The following DPH6 variants were observed in gnomAD, a reference collection of about 807,000 sequenced individuals.
The protein encoded by DPH6 is diphthamine biosynthesis 6.
Under a neutral mutation model 38.2 loss-of-function variants are expected in DPH6, and 33 were observed. The observed-to-expected ratio is 0.86, with a 90% CI of 0.65 to 1.15. The LOEUF is 1.15. Among genes scored for constraint, DPH6 ranks in the 50% most tolerant of loss-of-function variants. The pLI is 0.00. For synonymous variants in DPH6, 108 were observed against 103.0 expected, an observed-to-expected ratio of 1.05 and a Z score of -0.30; for missense variants, 325 against 320.0, an observed-to-expected ratio of 1.02 and a Z score of -0.12.
intron 3 of DPH6, among the ~76,000 whole-genome samples, chr15:35,473,285 T>C (rs1265821336): frequency 6.6e-6 from 1 of 152,166 alleles, no homozygotes; most frequent in African/African-American, 2.4e-5. Flanking sequence ...GTACCAGCTT[T>C]AAAGATGAAG....
the DPH6 span, among the ~76,000 whole-genome samples, chr15:35,161,155 CACAAA>C: frequency 2.4e-3 from 364 of 151,930 alleles, 2 homozygotes; most frequent in African/African-American, 7.9e-3. Context: ...ATAAAAAAAA[CACAAA>C]ACAAAACAAC....
intron 3 of DPH6, chr15:35,519,819 T>C (rs772427348): frequency 6.6e-6 from 1 of 152,260 alleles, no homozygotes; most frequent in South Asian, 2.1e-4. Flanking sequence ...GTCAAATGCA[T>C]GGAAATCTAC....
At chr15:35,147,773 A>C in the DPH6 span, among the ~76,000 whole-genome samples, 1 of 152,236 alleles carries the variant, frequency 6.6e-6, no homozygotes, top group Non-Finnish European at 1.5e-5. Context: ...GAGAATTACT[A>C]ATATAAAACA....
At chr15:35,301,462 C>A (rs1177659235) in intron 3 of DPH6, among the ~76,000 whole-genome samples, 1 of 152,144 alleles carries the variant, frequency 6.6e-6, no homozygotes, top group African/African-American at 2.4e-5. Context: ...GACTTTTCTC[C>A]TCTTTGTTTT....
At chr15:35,338,530 C>T (rs2052393614) in intron 3 of DPH6, among the ~76,000 whole-genome samples, 1 of 152,096 alleles carries the variant, frequency 6.6e-6, no homozygotes, top group African/African-American at 2.4e-5. Flanking sequence ...AGTCAGGAAA[C>T]AACAGGTGCT....
At chr15:35,334,378 C>T (rs2052350762) in intron 3 of DPH6, among the ~76,000 whole-genome samples, 1 of 151,912 alleles carries the variant, frequency 6.6e-6, no homozygotes, top group South Asian at 2.1e-4. Flanking sequence ...TTTTCAAAGT[C>T]ATTTCTTTTT....
intron 7 of DPH6, among the ~76,000 whole-genome samples, chr15:35,379,513 A>AT (rs1372152504): frequency 3.9e-5 from 6 of 152,240 alleles, no homozygotes; most frequent in Non-Finnish European, 8.8e-5. Flanking sequence ...CTCATCTTTT[A>AT]ATTGTATTAT....
the DPH6 span, among the ~76,000 whole-genome samples, chr15:35,193,090 A>G: frequency 6.6e-6 from 1 of 152,348 alleles, no homozygotes; most frequent in East Asian, 1.9e-4. Flanking sequence ...CTTATTTTCC[A>G]TCTCAAAATT....
intron 3 of DPH6, among the ~76,000 whole-genome samples, chr15:35,308,172 G>A: frequency 6.6e-6 from 1 of 152,082 alleles, no homozygotes; most frequent in South Asian, 2.1e-4. Flanking sequence ...AGGAAGGTGA[G>A]GTGGGAGAAT....
At chr15:35,226,716 G>A (rs1020808264) in intron 3 of DPH6, among the ~76,000 whole-genome samples, 10 of 152,288 alleles carry the variant, frequency 6.6e-5, no homozygotes, top group Non-Finnish European at 1.3e-4. Context: ...CCATGTTCAT[G>A]GATTGGAAGA....
intron 3 of DPH6, among the ~76,000 whole-genome samples, chr15:35,513,722 T>C (rs957271066): frequency 6.6e-6 from 1 of 151,936 alleles, no homozygotes; most frequent in African/African-American, 2.4e-5. Flanking sequence ...AACTTTGTTT[T>C]CTACAAAGTT....
chr15:35,165,455 T>C, the DPH6 span, among the ~76,000 whole-genome samples: 1 of 151,894 alleles, frequency 6.6e-6, no homozygotes, highest in South Asian at 2.1e-4. Flanking sequence ...TTCAAATATA[T>C]CAATAACAAT....
downstream of DPH6, among the ~76,000 whole-genome samples, chr15:35,366,461 A>G (rs2052661502): frequency 6.6e-6 from 1 of 151,988 alleles, no homozygotes; most frequent in African/African-American, 2.4e-5. Context: ...GAAACTCACT[A>G]TACTGCTCTC....
At chr15:35,506,433 G>A (rs1400845435) in intron 3 of DPH6, among the ~76,000 whole-genome samples, 4 of 152,046 alleles carry the variant, frequency 2.6e-5, no homozygotes, top group African/African-American at 9.7e-5. Context: ...AAGATTTCTG[G>A]GGAAGGGAAA....
At chr15:35,162,822 C>T in the DPH6 span, among the ~76,000 whole-genome samples, 5 of 151,788 alleles carry the variant, frequency 3.3e-5, no homozygotes, top group Non-Finnish European at 5.9e-5. Context: ...AAAGGTTTTT[C>T]CAAAACTGTA....
chr15:35,358,829 G>T (rs1344789413), intron 3 of DPH6, among the ~76,000 whole-genome samples: 2 of 152,114 alleles, frequency 1.3e-5, no homozygotes, highest in Non-Finnish European at 2.9e-5. Context: ...TAGCTTTGGT[G>T]GTTTAATGTT....
intron 6 of DPH6, among the ~76,000 whole-genome samples, chr15:35,397,734 T>C (rs1451593621): frequency 6.6e-6 from 1 of 152,152 alleles, no homozygotes; most frequent in Non-Finnish European, 1.5e-5. Flanking sequence ...TAGCTACTGC[T>C]TCTCTTCTAC....
intron 3 of DPH6, among the ~76,000 whole-genome samples, chr15:35,271,605 T>C (rs983920449): frequency 2.0e-5 from 3 of 152,142 alleles, no homozygotes; most frequent in African/African-American, 7.2e-5. Context: ...ACCACTCAAG[T>C]ATTCACTTCT....
At chr15:35,279,068 A>AATATATATATATATATATATATATATAT in intron 3 of DPH6, among the ~76,000 whole-genome samples, 1 of 102,970 alleles carries the variant, frequency 9.7e-6, no homozygotes, top group African/African-American at 4.8e-5. Flanking sequence ...AAAAAAAAAA[A>AATATATATATATATATATATATATATAT]ATATATATAT....
Sources: gnomAD v4.1 joint callset for allele counts (sites outside exome capture counted in the v4.1 genomes callset) on GRCh38, gnomAD v4.1.1 for gene constraint, MANE v1.5 for transcripts, NCBI Gene and HGNC (gene_info 2026-07-23, HGNC 2026-07-21) for gene names.